Variants in SLC30A7 observed in about 807,000 individuals in gnomAD.
SLC30A7 encodes the protein solute carrier family 30 member 7.
SLC30A7 carries 35 observed loss-of-function variants against 46.0 expected under a neutral mutation model. That is an observed-to-expected ratio of 0.76 (90% confidence interval 0.58 to 1.01). The LOEUF is 1.01. Among genes scored for constraint, SLC30A7 ranks in the 50% least tolerant of loss-of-function variants. The pLI is 0.00. For missense variants in SLC30A7, 464 were observed against 451.1 expected, an observed-to-expected ratio of 1.03 and a Z score of -0.26; for synonymous variants, 147 against 157.8, an observed-to-expected ratio of 0.93 and a Z score of 0.51.
chr1:100,912,869 CTCT>C (rs1652203730), intron 5 of SLC30A7, among the ~76,000 whole-genome samples: 1 of 148,716 alleles, frequency 6.7e-6, no homozygotes, highest in Non-Finnish European at 1.5e-5. Context: ...CAGAGCAAGA[CTCT>C]GTCTAAAAAA....
At chr1:100,947,442 T>G (rs1654702905) in intron 8 of SLC30A7, among the ~76,000 whole-genome samples, 1 of 152,252 alleles carries the variant, frequency 6.6e-6, no homozygotes, top group African/African-American at 2.4e-5. Flanking sequence ...TTCTGTTCTT[T>G]TACATTTGCT....
chr1:100,902,863 T>C (rs1486360734), intron 2 of SLC30A7, among the ~76,000 whole-genome samples: 1 of 152,202 alleles, frequency 6.6e-6, no homozygotes, highest in Non-Finnish European at 1.5e-5. Flanking sequence ...TCTCAGGTAC[T>C]AGAGGTTAGG....
chr1:100,971,101 A>T (rs1006728849), intron 10 of SLC30A7, among the ~76,000 whole-genome samples: 1 of 152,130 alleles, frequency 6.6e-6, no homozygotes, highest in African/African-American at 2.4e-5. Flanking sequence ...TCCTCAAAAT[A>T]GAAGTTAACA....
chr1:100,925,692 A>T (rs1342022438), intron 8 of SLC30A7, among the ~76,000 whole-genome samples: 1 of 152,182 alleles, frequency 6.6e-6, no homozygotes, highest in Non-Finnish European at 1.5e-5. Context: ...ACTAAAAGAG[A>T]GGGGACTGGG....
intron 8 of SLC30A7, among the ~76,000 whole-genome samples, chr1:100,952,969 T>C (rs1370327766): frequency 1.3e-5 from 2 of 152,230 alleles, no homozygotes; most frequent in African/African-American, 4.8e-5. Context: ...AAACCTCATG[T>C]AGCATTGGAG....
chr1:100,939,265 TTA>T (rs1317514745), intron 8 of SLC30A7, among the ~76,000 whole-genome samples: 1 of 152,156 alleles, frequency 6.6e-6, no homozygotes, highest in Non-Finnish European at 1.5e-5. Flanking sequence ...AAGTGTATAA[TTA>T]TATGTCTGTA....
chr1:100,913,635 C>T (rs1010337272), intron 5 of SLC30A7, 28 bp from the exon 6 acceptor site: 7 of 1,541,212 alleles, frequency 4.5e-6, no homozygotes, highest in Admixed American at 1.7e-5. Context: ...TTTTTACATA[C>T]CTTCTGTCCT....
chr1:100,948,292 C>T (rs765277389), intron 8 of SLC30A7, among the ~76,000 whole-genome samples: 15 of 152,262 alleles, frequency 9.9e-5, no homozygotes, highest in East Asian at 9.6e-4. Flanking sequence ...ATTTCTCCTT[C>T]GCTTATGAAG....
intron 7 of SLC30A7, among the ~76,000 whole-genome samples, chr1:100,918,807 TG>T (rs1460376122): frequency 9.2e-5 from 14 of 152,178 alleles, no homozygotes; most frequent in Non-Finnish European, 1.5e-5. Flanking sequence ...CCCTTGTGAT[TG>T]CTTGGCTGAC....
intron 8 of SLC30A7, among the ~76,000 whole-genome samples, chr1:100,955,722 T>G (rs1655187376): frequency 6.6e-6 from 1 of 152,092 alleles, no homozygotes; most frequent in East Asian, 1.9e-4. Flanking sequence ...CAGAAAAATA[T>G]GGACACAAAC....
At chr1:100,940,055 G>A (rs1471222047) in intron 8 of SLC30A7, among the ~76,000 whole-genome samples, 1 of 152,090 alleles carries the variant, frequency 6.6e-6, no homozygotes, top group Non-Finnish European at 1.5e-5. Flanking sequence ...CCTTTGTAAT[G>A]AACATAATGA....
At chr1:100,946,485 T>C (rs191514654) in intron 8 of SLC30A7, among the ~76,000 whole-genome samples, 1 of 152,346 alleles carries the variant, frequency 6.6e-6, no homozygotes, top group Admixed American at 6.5e-5. Context: ...TGAGAGTTTT[T>C]AAGCATTAAG....
chr1:100,970,331 G>A (rs1656088083), intron 10 of SLC30A7, among the ~76,000 whole-genome samples: 1 of 151,998 alleles, frequency 6.6e-6, no homozygotes, highest in Admixed American at 6.6e-5. Context: ...TCTAAAAGTT[G>A]GAGAATTATA....
chr1:100,935,362 A>G (rs1005017859), intron 8 of SLC30A7, among the ~76,000 whole-genome samples: 5 of 152,224 alleles, frequency 3.3e-5, no homozygotes, highest in African/African-American at 1.2e-4. Context: ...TGCTTTATGC[A>G]AGTCAGTTTA....
At chr1:100,964,265 T>TTATATAACCTATAACCTATATAG (rs1655712310) in intron 9 of SLC30A7, among the ~76,000 whole-genome samples, 275 of 139,408 alleles carry the variant, frequency 2.0e-3, no homozygotes, top group African/African-American at 7.8e-3. Flanking sequence ...ACACAATATA[T>TTATATAACCTATAACCTATATAG]GTTATATAAC....
intron 3 of SLC30A7, 97 bp from the exon 4 acceptor site, chr1:100,910,966 T>C (rs1223785402): frequency 9.7e-6 from 9 of 929,280 alleles, no homozygotes; most frequent in South Asian, 4.4e-5. Context: ...CTTATAACCA[T>C]GTAATATGGT....
In SLC30A7 at chr1:100,978,685, T is replaced by C. The variant is rs1656719144; in HGVS notation, c.*3828T>C. On this transcript the variant is annotated 3_prime_UTR_variant, in exon 11 of 11. Transcript: ENST00000357650. Reference sequence around the variant, plus strand: ...GCCTTTCTGTAAATGGGATTAAATATGATTTGTAAATAAAGGACATCTGAC... The same window carrying C: ...GCCTTTCTGTAAATGGGATTAAATACGATTTGTAAATAAAGGACATCTGAC... The C allele has an allele frequency of 6.6e-6, 1 of 152,206 alleles. No individual in the cohort carries two copies. The allele number at this position is 152,206 out of a possible 1,614,324, so 9.4% of individuals were successfully genotyped here. A position where few individuals can be genotyped will look rare whatever the true frequency, so the allele number is the denominator to read the frequency against.
intron 2 of SLC30A7, 135 bp from the exon 3 acceptor site, chr1:100,906,713 GCTAT>G (rs1292630176): frequency 1.0e-5 from 6 of 583,336 alleles, no homozygotes; most frequent in Non-Finnish European, 1.8e-5. Context: ...TATCCTCAAA[GCTAT>G]CTATATAGCA....
chr1:100,990,050 A>T, the SLC30A7 span: 2 of 258,846 alleles, frequency 7.7e-6, no homozygotes, highest in Non-Finnish European at 1.5e-5. Flanking sequence ...ATGAAGAAAT[A>T]CCCGAGACTG....
Sources: gnomAD v4.1 joint callset for allele counts (sites outside exome capture counted in the v4.1 genomes callset) on GRCh38, gnomAD v4.1.1 for gene constraint, MANE v1.5 for transcripts, NCBI Gene and HGNC (gene_info 2026-07-23, HGNC 2026-07-21) for gene names.